Variants in ERC2 observed in about 807,000 individuals in gnomAD.
ERC2 encodes the protein ERC protein 2.
ERC2 carries 42 observed loss-of-function variants against 114.8 expected under a neutral mutation model. That is an observed-to-expected ratio of 0.37 (90% CI 0.29 to 0.47). The LOEUF is 0.47. ERC2 is among the 20% of genes least tolerant of loss of function. The pLI is 0.99. For synonymous variants in ERC2, 454 were observed against 425.5 expected (o/e 1.07, Z -0.82); for missense variants, 939 against 1,150.7 (o/e 0.82, Z 2.66).
chr3:56,010,312 G>A, intron 9 of ERC2, 137 bp downstream of exon 9: 1 of 1,069,750 alleles, frequency 9.3e-7, no homozygotes, highest in African/African-American at 1.6e-5. Flanking sequence ...AATTCAGGCA[G>A]CTTTACAAAA....
chr3:55,725,870 T>C (rs1364289326), intron 15 of ERC2, among the ~76,000 whole-genome samples: 4 of 152,204 alleles, frequency 2.6e-5, no homozygotes, highest in Non-Finnish European at 4.4e-5. Context: ...ACTGAGTGGA[T>C]TCCCTGAGTA....
At chr3:55,768,191 A>G (rs997445782) in intron 14 of ERC2, among the ~76,000 whole-genome samples, 8 of 152,332 alleles carry the variant, frequency 5.3e-5, no homozygotes, top group African/African-American at 1.9e-4. Context: ...TCTTTTCTGT[A>G]TAAATTACCT....
At chr3:55,936,998 A>C (rs1218091967) in intron 13 of ERC2, among the ~76,000 whole-genome samples, 1 of 152,212 alleles carries the variant, frequency 6.6e-6, no homozygotes. Context: ...ATCGGGAGTC[A>C]ACACAGAAGC....
At chr3:56,072,785 CA>C (rs1485530260) in intron 7 of ERC2, among the ~76,000 whole-genome samples, 5 of 152,064 alleles carry the variant, frequency 3.3e-5, no homozygotes, top group Non-Finnish European at 5.9e-5. Context: ...GGTATTAAGC[CA>C]AAGAAATTTA....
chr3:56,049,471 G>T (rs1316154458), intron 7 of ERC2, among the ~76,000 whole-genome samples: 1 of 152,188 alleles, frequency 6.6e-6, no homozygotes, highest in Non-Finnish European at 1.5e-5. Context: ...AGGATGCAAA[G>T]TATTGATCCT....
intron 13 of ERC2, among the ~76,000 whole-genome samples, chr3:55,945,755 T>C (rs1410139473): frequency 6.6e-6 from 1 of 152,134 alleles, no homozygotes; most frequent in Non-Finnish European, 1.5e-5. Flanking sequence ...AGAACATTCA[T>C]TTGCTTTTTA....
At chr3:56,342,464 C>T (rs2058126215) in intron 2 of ERC2, among the ~76,000 whole-genome samples, 1 of 152,216 alleles carries the variant, frequency 6.6e-6, no homozygotes, top group South Asian at 2.1e-4. Context: ...GCCAGCTATT[C>T]GGCTAAGCAC....
At chr3:55,768,034 C>T (rs550283054) in intron 14 of ERC2, among the ~76,000 whole-genome samples, 1 of 152,098 alleles carries the variant, frequency 6.6e-6, no homozygotes, top group Non-Finnish European at 1.5e-5. Flanking sequence ...AAGTGTGTAG[C>T]ACCTCCTTCT....
intron 3 of ERC2, 53 bp downstream of exon 3, chr3:56,295,966 C>T: frequency 6.7e-7 from 1 of 1,489,170 alleles, no homozygotes; most frequent in Non-Finnish European, 9.0e-7. Context: ...AACTTGATAA[C>T]ATATTTTCAC....
chr3:56,401,676 T>C (rs2060524299), intron 2 of ERC2, among the ~76,000 whole-genome samples: 1 of 152,206 alleles, frequency 6.6e-6, no homozygotes, highest in South Asian at 2.1e-4. Context: ...GAATAGCTGC[T>C]GGGCAAAGGT....
At chr3:55,963,353 T>C (rs1449080585) in intron 12 of ERC2, among the ~76,000 whole-genome samples, 2 of 152,200 alleles carry the variant, frequency 1.3e-5, no homozygotes, top group African/African-American at 4.8e-5. Flanking sequence ...TACAGACAGA[T>C]TAAATCTGAG....
intron 6 of ERC2, among the ~76,000 whole-genome samples, chr3:56,099,634 C>T (rs1301656963): frequency 2.0e-5 from 3 of 152,116 alleles, no homozygotes; most frequent in Non-Finnish European, 2.9e-5. Context: ...GACAGGACAC[C>T]GAGGGGCCAT....
chr3:56,146,374 TCAATC>T (rs2149939863), intron 5 of ERC2, among the ~76,000 whole-genome samples: 1 of 152,256 alleles, frequency 6.6e-6, no homozygotes, highest in Non-Finnish European at 1.5e-5. Flanking sequence ...ATGTTATAGT[TCAATC>T]CAATAAGAAC....
At chr3:55,622,860 A>C (rs1479770145) in intron 17 of ERC2, among the ~76,000 whole-genome samples, 1 of 152,088 alleles carries the variant, frequency 6.6e-6, no homozygotes, top group East Asian at 1.9e-4. Context: ...TCTGCCATGC[A>C]AACGTCAAGT....
intron 7 of ERC2, among the ~76,000 whole-genome samples, chr3:56,055,728 G>A (rs1303106908): frequency 6.6e-6 from 1 of 152,204 alleles, no homozygotes; most frequent in Non-Finnish European, 1.5e-5. Flanking sequence ...CAGCTGCAGA[G>A]AGACTCTTCT....
At chr3:55,828,791 T>A (rs1304833732) in intron 14 of ERC2, among the ~76,000 whole-genome samples, 2 of 150,874 alleles carry the variant, frequency 1.3e-5, no homozygotes, top group Non-Finnish European at 2.9e-5. Flanking sequence ...AAAAAAAAAA[T>A]TCAATATTCT....
chr3:55,785,409 A>G (rs1262242629), intron 14 of ERC2, among the ~76,000 whole-genome samples: 4 of 152,180 alleles, frequency 2.6e-5, no homozygotes, highest in Non-Finnish European at 4.4e-5. Context: ...TCCTTCTTTT[A>G]GCTAACCTCC....
At chr3:55,982,099 G>A (rs1364924899) in intron 12 of ERC2, among the ~76,000 whole-genome samples, 1 of 152,122 alleles carries the variant, frequency 6.6e-6, no homozygotes, top group African/African-American at 2.4e-5. Context: ...GGAGAGGGGA[G>A]ATAAATCTCA....
intron 13 of ERC2, among the ~76,000 whole-genome samples, chr3:55,946,458 G>A (rs2067135080): frequency 6.6e-6 from 1 of 152,108 alleles, no homozygotes; most frequent in Non-Finnish European, 1.5e-5. Context: ...CAAAGAATTT[G>A]TTGGTTGATA....
Sources: allele counts gnomAD v4.1 joint callset (sites outside exome capture counted in the v4.1 genomes callset), GRCh38; gene constraint gnomAD v4.1.1; transcripts MANE v1.5; gene names NCBI Gene and HGNC (gene_info 2026-07-23, HGNC 2026-07-21).